Variants in VWF observed in about 807,000 individuals in gnomAD.
The protein encoded by VWF is Factor VIII related antigen.
Under a neutral mutation model 308.6 loss-of-function variants are expected in VWF, and 176 were observed. That is an observed-to-expected ratio of 0.57 (90% CI 0.50 to 0.65). The LOEUF (loss-of-function observed/expected upper bound fraction) is 0.65. VWF is among the 30% of genes least tolerant of loss of function. The probability of loss-of-function intolerance (pLI) is 0.00; values close to 1 mark genes in which losing one functional copy is unlikely to be tolerated. For synonymous variants in VWF, 1,385 were observed against 1,443.4 expected (o/e 0.96, Z 0.92); for missense variants, 3,146 against 3,648.2 (o/e 0.86, Z 3.55).
In VWF at chr12:6,060,374, G is replaced by C. The variant is rs1944640466; in HGVS notation, c.1534-2330C>G. On this transcript the variant is annotated intron_variant, in intron 13 of 51. Coordinates refer to ENST00000261405, the MANE Select transcript of VWF (RefSeq NM_000552.5). The surrounding 1 kb of genome is among the most constrained non-coding windows in gnomAD (Gnocchi z 5.1). ...GCGTACATAACACACCCAGGGGAAG[G>C]AGACCGGGGGGCCCCTAGCTGCACC... Among the ~76,000 whole-genome samples, 1 of 151,994 alleles carries C rather than the reference G, an allele frequency of 6.6e-6. No homozygotes were observed. Among genetic ancestry groups the C allele is most frequent in the Admixed American group, 6.5e-5 (1 of 15,274 alleles).
At position 6,089,835 on chromosome 12, in the gene VWF, A is replaced by G. The variant is rs181419487; in HGVS notation, c.657+5625T>C. Among the ~76,000 whole-genome samples, 735 of 152,090 alleles carry G rather than the reference A, an allele frequency of 4.8e-3. 5 individuals carry two copies. Among genetic ancestry groups the G allele is most frequent in the Non-Finnish European group, 8.1e-3 (554 of 67,998 alleles). ...CTGACCCCACCTCACCCACTGAAGC[A>G]CCCACCACCTCCCCTTCATCTGCCT... On this transcript the variant is annotated intron_variant, in intron 6 of 51. Transcript: ENST00000261405.
rs1441478891 is a variant in VWF, at chr12:5,996,103, G to T, written c.5962C>A (p.Leu1988Ile). The change falls in exon 35 of 52, where the codon CTC becomes ATC. Residue 1988 changes from leucine (L) to isoleucine (I), a missense_variant. Physicochemically the swap from Leu to Ile is conservative, Grantham distance 5. Transcript: ENST00000261405. ...QNKEQDLEVI[L>I]HNGACSPGAR... ...CCAGGGCTGCAGGCACCATTATGGA[G>T]AATCACCTCCAGGTCCTGCTCCTTG... 1 of 1,614,110 alleles carries T rather than the reference G, an allele frequency of 6.2e-7. No homozygotes were observed. The highest frequency in any genetic ancestry group is 1.7e-5 in the Admixed American group (1 of 60,018).
intron 43 of VWF, among the ~76,000 whole-genome samples, chr12:5,974,614 G>C (rs1943512459): frequency 6.6e-6 from 1 of 152,204 alleles, no homozygotes; most frequent in South Asian, 2.1e-4. Context: ...AACTAAGTCA[G>C]ACTGGACAGG....
rs1591847163 is a variant in VWF, at chr12:5,991,889, A to G, written c.6728T>C (p.Met2243Thr). 6.2e-7 allele frequency: 1 copy of G among 1,614,220 alleles called. No homozygotes were observed. Among genetic ancestry groups the G allele is most frequent in the Non-Finnish European group, 8.5e-7 (1 of 1,180,046 alleles). The change falls in exon 38 of 52, where the codon ATG becomes ACG. Residue 2243 changes from methionine to threonine, a missense_variant. Around this residue, in one of 3 missense-constraint regions of VWF, gnomAD observed 989 missense variants for 1,117.4 expected, o/e 0.89. Transcript: ENST00000261405. ...TTCAGGGACACAGCTGCCTTCCAAC[A>G]TGACTTTATCTGGAGGGCAGAAACA... ...EGCFCPPDKVMLEGSCVPEEA... is the reference protein window; with the variant it reads ...EGCFCPPDKVTLEGSCVPEEA...
chr12:6,091,267 C>T (rs1309885986), intron 6 of VWF, among the ~76,000 whole-genome samples: 1 of 139,840 alleles, frequency 7.2e-6, no homozygotes, highest in Non-Finnish European at 1.5e-5. Flanking sequence ...ACGAAGCTTC[C>T]TCGTGTTACC....
intron 3 of VWF, among the ~76,000 whole-genome samples, chr12:6,114,171 C>T (rs1945340677): frequency 1.3e-5 from 2 of 152,168 alleles, no homozygotes; most frequent in African/African-American, 4.8e-5. Flanking sequence ...GGTGTTTCTC[C>T]TTCTCCTGGG....
At chr12:5,973,237 G>A (rs746443790) in intron 43 of VWF, among the ~76,000 whole-genome samples, 22 of 151,890 alleles carry the variant, frequency 1.4e-4, no homozygotes, top group Non-Finnish European at 2.6e-4. Context: ...AAATTCCCTC[G>A]CTTATATCGA....
intron 36 of VWF, 27 bp from the exon 37 acceptor site, chr12:5,994,230 G>A (rs754986508): frequency 9.9e-6 from 16 of 1,612,314 alleles, no homozygotes; most frequent in Non-Finnish European, 1.4e-5. Flanking sequence ...ACAAAAAAAA[G>A]ATAAACTGAG....
Position 5,994,187 on chromosome 12 carries a change from G to A in VWF, c.6273C>T (p.Asn2091=), listed in dbSNP as rs952087800. 22 of 1,613,880 alleles carry A rather than the reference G, an allele frequency of 1.4e-5. No individual in the cohort carries two copies. Among genetic ancestry groups the A allele is most frequent in the African/African-American group, 5.3e-5 (4 of 74,844 alleles). The change falls in exon 37 of 52, where the codon AAC becomes AAT. Residue 2091 remains asparagine, a synonymous_variant. Coordinates refer to ENST00000261405, the MANE Select transcript of VWF (RefSeq NM_000552.5). The part of the protein sequence containing the change: ...TYGLCGICDE[N]GANDFMLRDG... Reference sequence around the variant, plus strand: ...CCCTCAGCATGAAGTCATTGGCTCCGTTCTCATCACAGATCCCTAGAGAAA... The same window carrying A: ...CCCTCAGCATGAAGTCATTGGCTCCATTCTCATCACAGATCCCTAGAGAAA...
intron 6 of VWF, among the ~76,000 whole-genome samples, chr12:6,077,300 G>A (rs1249341868): frequency 6.6e-6 from 1 of 152,196 alleles, no homozygotes; most frequent in Admixed American, 6.5e-5. Context: ...GGGTGACAGA[G>A]CGAGACCCTG....
Position 6,027,510 on chromosome 12 carries a change from C to CAT in VWF, c.2968-1466_2968-1465dup, listed in dbSNP as rs551424777. Among the ~76,000 whole-genome samples the CAT allele has an allele frequency of 2.0e-3, 308 of 152,258 alleles. 1 individual carries two copies. Among genetic ancestry groups the CAT allele is most frequent in the African/African-American group, 7.0e-3 (289 of 41,540 alleles). On this transcript the variant is annotated intron_variant, in intron 22 of 51. Coordinates refer to ENST00000261405, the MANE Select transcript of VWF (RefSeq NM_000552.5). ...TGGATTATCTGTGTGGGCTGAATGT[C>CAT]ATCACAGGGTCTGATCAGAGGGAGG...
At chr12:6,033,558 C>T (rs1013901491) in intron 20 of VWF, among the ~76,000 whole-genome samples, 1 of 152,210 alleles carries the variant, frequency 6.6e-6, no homozygotes, top group African/African-American at 2.4e-5. Flanking sequence ...GCTGCTGAGG[C>T]TGGGAAACTT....
intron 5 of VWF, among the ~76,000 whole-genome samples, chr12:6,109,901 C>T (rs536283973): frequency 9.8e-4 from 149 of 152,326 alleles, no homozygotes; most frequent in African/African-American, 3.4e-3. Context: ...CCGCCTGCCT[C>T]GGCCTCCCAA....
chr12:5,960,586 C>G (rs1329833393), intron 47 of VWF, among the ~76,000 whole-genome samples: 1 of 152,096 alleles, frequency 6.6e-6, no homozygotes, highest in Non-Finnish European at 1.5e-5. Context: ...AAATCTTTAA[C>G]AAAATATGAG....
intron 38 of VWF, among the ~76,000 whole-genome samples, chr12:5,991,019 T>TTCTGAGA (rs1943735687): frequency 2.0e-5 from 3 of 151,866 alleles, no homozygotes; most frequent in Admixed American, 6.6e-5. Context: ...GAGCTTCAAA[T>TTCTGAGA]TCTGAGATCA....
intron 22 of VWF, among the ~76,000 whole-genome samples, chr12:6,026,921 CA>C (rs886891450): frequency 4.6e-5 from 7 of 151,844 alleles, no homozygotes; most frequent in African/African-American, 1.7e-4. Context: ...AATAATAAAA[CA>C]AAAAAACTAC....
At chr12:6,106,611 C>T (rs998424767) in intron 5 of VWF, among the ~76,000 whole-genome samples, 16 of 152,132 alleles carry the variant, frequency 1.1e-4, no homozygotes, top group Non-Finnish European at 1.9e-4. Flanking sequence ...CGGTGGCTCA[C>T]GCCTGTAATC....
intron 3 of VWF, among the ~76,000 whole-genome samples, chr12:6,116,154 C>A (rs1167274199): frequency 1.3e-5 from 2 of 152,184 alleles, no homozygotes; most frequent in South Asian, 4.1e-4. Flanking sequence ...CTGCACTCCA[C>A]AGACCTCCAG....
At chr12:6,010,203 G>T (rs563237692) in intron 34 of VWF, among the ~76,000 whole-genome samples, 1 of 152,054 alleles carries the variant, frequency 6.6e-6, no homozygotes, top group South Asian at 2.1e-4. Context: ...CCAAAAAATG[G>T]CAATTAAACA....
Sources: allele counts gnomAD v4.1 joint callset (sites outside exome capture counted in the v4.1 genomes callset), GRCh38; gene constraint gnomAD v4.1.1; regional missense constraint gnomAD v4.1.1; non-coding constraint Gnocchi (gnomAD v3.1); transcripts MANE v1.5; gene names NCBI Gene and HGNC (gene_info 2026-07-23, HGNC 2026-07-21).